The following CNIH3 variants were observed in gnomAD, a reference collection of about 807,000 sequenced individuals.
CNIH3 encodes protein cornichon homolog 3.
In CNIH3, 14 loss-of-function variants were observed where a neutral mutation model predicts 24.1. The ratio of observed to expected loss-of-function variants is 0.58; its 90% CI spans 0.38 to 0.91. The LOEUF (loss-of-function observed/expected upper bound fraction) is 0.91. Ranked by LOEUF, CNIH3 falls within the 40% of genes least tolerant of loss-of-function variation. CNIH3 has a pLI of 0.00. For synonymous variants in CNIH3, 68 were observed against 73.8 expected (o/e 0.92, Z 0.40); for missense variants, 178 against 196.8 (o/e 0.90, Z 0.57).
At chr1:224,647,452 C>G (rs1003064801) in intron 1 of CNIH3, among the ~76,000 whole-genome samples, 2 of 152,222 alleles carry the variant, frequency 1.3e-5, no homozygotes, top group Admixed American at 6.5e-5. Flanking sequence ...GACCACCCCC[C>G]TGCCTGGGCC....
At chr1:224,646,368 T>G (rs1384827613) in intron 1 of CNIH3, among the ~76,000 whole-genome samples, 3 of 152,098 alleles carry the variant, frequency 2.0e-5, no homozygotes, top group African/African-American at 4.8e-5. Flanking sequence ...CCTTGGGGAG[T>G]GCTCCCTTTG....
At chr1:224,636,818 T>A (rs1389031566) in intron 1 of CNIH3, among the ~76,000 whole-genome samples, 1 of 152,228 alleles carries the variant, frequency 6.6e-6, no homozygotes, top group Non-Finnish European at 1.5e-5. Flanking sequence ...TCTCCATATT[T>A]AAGATATTGC....
chr1:224,519,419 C>T (rs1185790574), intron 1 of CNIH3, among the ~76,000 whole-genome samples: 1 of 152,110 alleles, frequency 6.6e-6, no homozygotes, highest in Non-Finnish European at 1.5e-5. Flanking sequence ...CACCAGCCTT[C>T]CTGAGTCTCC....
At chr1:224,710,607 CT>C (rs1688086554) in intron 3 of CNIH3, among the ~76,000 whole-genome samples, 1 of 152,146 alleles carries the variant, frequency 6.6e-6, no homozygotes, top group East Asian at 1.9e-4. Context: ...TTGCAATCTG[CT>C]TTTTTTCAAA....
intron 1 of CNIH3, among the ~76,000 whole-genome samples, chr1:224,461,915 C>G (rs1675926849): frequency 1.3e-5 from 2 of 152,188 alleles, no homozygotes; most frequent in Admixed American, 6.5e-5. Flanking sequence ...TTTTTTGTGA[C>G]TGGCTTCTTT....
At chr1:224,700,800 A>T (rs368606675) in intron 3 of CNIH3, among the ~76,000 whole-genome samples, 2 of 152,284 alleles carry the variant, frequency 1.3e-5, no homozygotes, top group East Asian at 3.9e-4. Context: ...GGTTGGCTCA[A>T]CACATGTTGG....
chr1:224,662,289 T>C (rs1387014168), intron 1 of CNIH3, among the ~76,000 whole-genome samples: 1 of 152,228 alleles, frequency 6.6e-6, no homozygotes, highest in Non-Finnish European at 1.5e-5. Flanking sequence ...AGCTGAGATA[T>C]TAGACAGAGC....
chr1:224,439,857 C>T (rs926787805), intron 1 of CNIH3, among the ~76,000 whole-genome samples: 11 of 152,036 alleles, frequency 7.2e-5, no homozygotes, highest in African/African-American at 2.4e-4. Context: ...GGCGCAATCT[C>T]GGCTCACTGC....
At chr1:224,499,553 C>T (rs1677570199) in intron 1 of CNIH3, among the ~76,000 whole-genome samples, 1 of 152,206 alleles carries the variant, frequency 6.6e-6, no homozygotes, top group Non-Finnish European at 1.5e-5. Flanking sequence ...CCCTCCTCAA[C>T]AGTTTTCAAT....
chr1:224,539,191 C>T (rs570683347), downstream of CNIH3, among the ~76,000 whole-genome samples: 25 of 152,234 alleles, frequency 1.6e-4, no homozygotes, highest in East Asian at 1.2e-3. Flanking sequence ...CTCCTCTTGC[C>T]GTATTTACTT....
At chr1:224,487,084 G>C (rs1677059061) in intron 1 of CNIH3, among the ~76,000 whole-genome samples, 1 of 152,122 alleles carries the variant, frequency 6.6e-6, no homozygotes, top group Non-Finnish European at 1.5e-5. Context: ...CTTTATGGGA[G>C]AATTCTATTT....
At chr1:224,628,668 G>GC (rs1683663353) in intron 1 of CNIH3, among the ~76,000 whole-genome samples, 1 of 151,804 alleles carries the variant, frequency 6.6e-6, no homozygotes, top group African/African-American at 2.4e-5. Context: ...AAACTCAAAG[G>GC]CCCCCCACGC....
At chr1:224,551,553 G>T (rs1282784419) in intron 3 of CNIH3, among the ~76,000 whole-genome samples, 4 of 152,052 alleles carry the variant, frequency 2.6e-5, no homozygotes, top group Non-Finnish European at 4.4e-5. Flanking sequence ...TTAACATTGG[G>T]TGTAACACCT....
chr1:224,474,315 G>T (rs563257630), intron 1 of CNIH3, among the ~76,000 whole-genome samples: 8 of 149,934 alleles, frequency 5.3e-5, no homozygotes, highest in African/African-American at 1.7e-4. Context: ...GGTGAGCCGA[G>T]ATTGTGCCAT....
chr1:224,478,234 T>A (rs749634316), intron 1 of CNIH3, among the ~76,000 whole-genome samples: 3 of 152,190 alleles, frequency 2.0e-5, no homozygotes, highest in Non-Finnish European at 4.4e-5. Context: ...GTTATTATCA[T>A]CTTGAATAAA....
chr1:224,562,614 TG>T (rs1680417588), intron 3 of CNIH3, among the ~76,000 whole-genome samples: 1 of 152,148 alleles, frequency 6.6e-6, no homozygotes, highest in Non-Finnish European at 1.5e-5. Flanking sequence ...GGGAGGTGTT[TG>T]GATCAGGTGG....
rs574074389 is a variant in CNIH3 at position 224,635,637 on chromosome 1, C to T, written c.81+18382C>T. Among the ~76,000 whole-genome samples, 29 of 152,374 alleles carry T rather than the reference C, an allele frequency of 1.9e-4. 1 individual carries two copies. The South Asian group carries it at 6.0e-3, about 32-fold the overall frequency. On this transcript the variant is annotated intron_variant, in intron 1 of 5. Coordinates refer to ENST00000272133, the MANE Select transcript of CNIH3 (RefSeq NM_152495.2). ...TTGGACATGAGCAGTCAGCCCACAGCATGCAAAAGTTTGGTTGTTTCTGAG... is the reference window on the plus strand; with the variant it reads ...TTGGACATGAGCAGTCAGCCCACAGTATGCAAAAGTTTGGTTGTTTCTGAG...
At chr1:224,568,532 G>A (rs1420815990) in intron 4 of CNIH3, among the ~76,000 whole-genome samples, 2 of 152,142 alleles carry the variant, frequency 1.3e-5, no homozygotes, top group East Asian at 3.9e-4. Context: ...CAAGGCAGGA[G>A]GATTGCTTGA....
chr1:224,493,375 A>G (rs1248356206), intron 1 of CNIH3, among the ~76,000 whole-genome samples: 1 of 152,114 alleles, frequency 6.6e-6, no homozygotes, highest in East Asian at 1.9e-4. Flanking sequence ...TGGGGCGCTG[A>G]ACGTTTGTGT....
Sources: allele counts gnomAD v4.1 joint callset (sites outside exome capture counted in the v4.1 genomes callset), GRCh38; gene constraint gnomAD v4.1.1; transcripts MANE v1.5; gene names NCBI Gene and HGNC (gene_info 2026-07-23, HGNC 2026-07-21).